TSPAN16: variants seen among roughly 807,000 people sequenced by gnomAD.
TSPAN16 encodes the protein tetraspanin-16.
A neutral mutation model predicts 25.2 loss-of-function variants in TSPAN16; 23 were observed. The observed-to-expected ratio is 0.91, with a 90% CI of 0.66 to 1.29. The LOEUF (loss-of-function observed/expected upper bound fraction) is 1.29, where lower values mean the gene tolerates loss of function less well. Among genes scored for constraint, TSPAN16 ranks in the 50% most tolerant of loss-of-function variants. TSPAN16 has a pLI of 0.00. For synonymous variants in TSPAN16, 123 were observed against 124.4 expected (o/e 0.99, Z 0.08); for missense variants, 272 against 299.9 (o/e 0.91, Z 0.69).
chr19:11,326,850 TC>T, exon 7 of TSPAN16: 3 of 645,918 alleles, frequency 4.6e-6, no homozygotes, highest in Admixed American at 2.3e-5. Flanking sequence ...CCTAAAGCGA[TC>T]CCCCCGCCTA....
chr19:11,300,226 T>G (rs1412762974), intron 3 of TSPAN16, among the ~76,000 whole-genome samples: 5 of 152,116 alleles, frequency 3.3e-5, no homozygotes, highest in Admixed American at 1.3e-4. Flanking sequence ...TGTGGTTTAT[T>G]TGAGAGGTGA....
At chr19:11,314,225 G>A (rs972058143) in intron 6 of TSPAN16, among the ~76,000 whole-genome samples, 6 of 152,136 alleles carry the variant, frequency 3.9e-5, no homozygotes, top group Non-Finnish European at 7.3e-5. Flanking sequence ...TAGGTATGGC[G>A]TTTCTGTGGT....
downstream of TSPAN16, among the ~76,000 whole-genome samples, chr19:11,320,190 C>T (rs533379742): frequency 5.6e-5 from 8 of 142,896 alleles, no homozygotes; most frequent in South Asian, 1.5e-3. Flanking sequence ...GGCACGATCT[C>T]GGCACACCCC....
chr19:11,326,686 C>A, intron 6 of TSPAN16: 1 of 653,292 alleles, frequency 1.5e-6, no homozygotes, highest in Non-Finnish European at 2.8e-6. Context: ...TCATTGCAGC[C>A]TCAACCTCCT....
At chr19:11,301,027 G>C in intron 3 of TSPAN16, 174 bp from the exon 4 acceptor site, 3 of 578,796 alleles carry the variant, frequency 5.2e-6, no homozygotes, top group Non-Finnish European at 9.4e-6. Flanking sequence ...TGTGGTGGGG[G>C]CACAGTAGCC....
chr19:11,312,301 G>T (rs1227795244), intron 6 of TSPAN16, 79 bp downstream of exon 6: 2 of 804,630 alleles, frequency 2.5e-6, no homozygotes, highest in Middle Eastern at 2.4e-4. Context: ...CTGGTCACTG[G>T]GACACAGGAG....
chr19:11,325,426 G>A (rs752173558), intron 6 of TSPAN16: 3 of 825,494 alleles, frequency 3.6e-6, no homozygotes, highest in Non-Finnish European at 5.4e-6. Flanking sequence ...GGGCTGGGGG[G>A]CTGGAGCATC....
chr19:11,320,035 A>G (rs910665788), downstream of TSPAN16, among the ~76,000 whole-genome samples: 4 of 149,080 alleles, frequency 2.7e-5, 1 homozygote, highest in African/African-American at 1.0e-4. Flanking sequence ...AGCCAGGATG[A>G]TCTCGATCTC....
intron 2 of TSPAN16, among the ~76,000 whole-genome samples, 193 bp from the exon 3 acceptor site, chr19:11,298,679 G>A (rs563828804): frequency 2.6e-5 from 4 of 152,096 alleles, no homozygotes; most frequent in Admixed American, 6.6e-5. Context: ...TGATCCACCC[G>A]CCTCGGTCTC....
chr19:11,312,426 A>G (rs557497619), intron 6 of TSPAN16: 2 of 394,670 alleles, frequency 5.1e-6, no homozygotes, highest in East Asian at 7.2e-5. Flanking sequence ...AAATAAATGA[A>G]ATGGAGAACA....
chr19:11,314,399 G>T (rs1308755812), intron 6 of TSPAN16, among the ~76,000 whole-genome samples: 2 of 152,132 alleles, frequency 1.3e-5, no homozygotes, highest in African/African-American at 4.8e-5. Flanking sequence ...GGTTGCCCAA[G>T]AAATTTTTCC....
At chr19:11,298,745 A>C (rs2080508059) in intron 2 of TSPAN16, 127 bp from the exon 3 acceptor site, 2 of 857,044 alleles carry the variant, frequency 2.3e-6, no homozygotes, top group Non-Finnish European at 3.9e-6. Context: ...ATTGTTTTAA[A>C]CTGGAGAGGC....
At position 11,312,140 on chromosome 19, in the gene TSPAN16, G is replaced by T. The variant is rs771318324; in HGVS notation, c.605G>T (p.Gly202Val). 4 of 1,610,758 alleles carry T rather than the reference G, an allele frequency of 2.5e-6. No homozygotes were observed. The highest frequency in any genetic ancestry group is 3.4e-6 in the Non-Finnish European group (4 of 1,179,210). ...TTGTTTTGGTGTTTGTTTCCTCAGGGCTGTTTCCATAAACTCCTAAAAATC... is the reference window on the plus strand; with the variant it reads ...TTGTTTTGGTGTTTGTTTCCTCAGGTCTGTTTCCATAAACTCCTAAAAATC... ...DVSPNVIHQKGCFHKLLKITK... is the reference protein window; with the variant it reads ...DVSPNVIHQKVCFHKLLKITK... Residue 202 changes from glycine to valine, a missense_variant and splice_region_variant, in exon 6 of 7, where the codon GGC (glycine) becomes GTC (valine). Coordinates refer to ENST00000590327, the MANE Select transcript of TSPAN16 (RefSeq NM_001282509.2).
intron 5 of TSPAN16, 130 bp from the exon 6 acceptor site, chr19:11,312,009 G>A (rs1052147271): frequency 2.0e-5 from 13 of 655,376 alleles, no homozygotes; most frequent in South Asian, 7.7e-5. Flanking sequence ...AGGCCCTCAC[G>A]GCTCTCTCCC....
chr19:11,319,705 C>T (rs1251883803), downstream of TSPAN16, among the ~76,000 whole-genome samples: 4 of 152,186 alleles, frequency 2.6e-5, no homozygotes, highest in African/African-American at 9.7e-5. Flanking sequence ...GGATGGTGTG[C>T]AGCACTTCCA....
chr19:11,326,889 C>A, exon 7 of TSPAN16: 3 of 569,910 alleles, frequency 5.3e-6, no homozygotes, highest in Admixed American at 3.0e-5. Context: ...GGTTTACCAG[C>A]GTGAGCCACC....
At chr19:11,299,313 C>T (rs895549034) in intron 3 of TSPAN16, among the ~76,000 whole-genome samples, 7 of 151,842 alleles carry the variant, frequency 4.6e-5, no homozygotes, top group Middle Eastern at 3.4e-3. Flanking sequence ...AATAGAAGTC[C>T]GCCCCTCCCC....
intron 4 of TSPAN16, among the ~76,000 whole-genome samples, chr19:11,301,901 G>A (rs898902603): frequency 2.7e-5 from 4 of 150,452 alleles, no homozygotes; most frequent in African/African-American, 9.8e-5. Context: ...TCAGCTCACT[G>A]CAACCTCCAC....
At chr19:11,317,808 G>A (rs1471618817), downstream of TSPAN16, among the ~76,000 whole-genome samples, 1 of 149,398 alleles carries the variant, frequency 6.7e-6, no homozygotes, top group Non-Finnish European at 1.5e-5. Context: ...GGGCGACAGA[G>A]CAATACACTG....
Sources: allele counts gnomAD v4.1 joint callset (sites outside exome capture counted in the v4.1 genomes callset), GRCh38; gene constraint gnomAD v4.1.1; transcripts MANE v1.5; gene names NCBI Gene and HGNC (gene_info 2026-07-23, HGNC 2026-07-21).